Variants in MCF2L observed in about 807,000 individuals in gnomAD.
MCF2L encodes MCF.2 cell line derived transforming sequence like.
A neutral mutation model predicts 153.4 loss-of-function variants in MCF2L; 97 were observed. The observed-to-expected ratio is 0.63, with a 90% confidence interval of 0.54 to 0.75. MCF2L has a LOEUF of 0.75. Ranked by LOEUF, MCF2L falls within the 30% of genes least tolerant of loss-of-function variation. MCF2L has a pLI of 0.00. For missense variants in MCF2L, 1,347 were observed against 1,495.2 expected (o/e 0.90, Z 1.64); for synonymous variants, 659 against 632.2 (o/e 1.04, Z -0.64).
At chr13:113,003,326 G>C (rs988630784) in intron 1 of MCF2L, among the ~76,000 whole-genome samples, 2 of 151,874 alleles carry the variant, frequency 1.3e-5, no homozygotes, top group Non-Finnish European at 2.9e-5. Flanking sequence ...CCTGGGTTAT[G>C]GGGTTGGCTG....
At position 113,096,854 on chromosome 13, in the gene MCF2L, G is replaced by A. The variant is rs774808790; in HGVS notation, c.3373G>A (p.Gly1125Arg). ...GGQAPFSDLQ[G>R] is the part of the protein sequence containing the mutation. The stretch of plus-strand genomic sequence containing the variant: ...CCAGGCCCCCTTCTCCGACCTGCAG[G>A]GGTAGCGCGGCCTCGGCGCCGGAGA... Residue 1125 changes from glycine to arginine, a missense_variant, in exon 30 of 30, where the codon GGG becomes AGG. Gly to Arg is a moderately radical substitution (Grantham distance 125). Around this residue, in one of 3 missense-constraint regions of MCF2L, gnomAD observed 383 missense variants for 335.4 expected, o/e 1.14. Transcript: ENST00000535094. 9 of 1,450,676 alleles carry A rather than the reference G, an allele frequency of 6.2e-6. No homozygotes were observed. The Admixed American group carries it at 1.3e-4, about 21-fold the overall frequency. The allele number at this position is 1,450,676 out of a possible 1,614,324, so 89.9% of individuals were successfully genotyped here. A position where few individuals can be genotyped will look rare whatever the true frequency, so the allele number is the denominator to read the frequency against.
At chr13:112,906,864 G>A (rs1209220706) in intron 2 of MCF2L, among the ~76,000 whole-genome samples, 1 of 152,226 alleles carries the variant, frequency 6.6e-6, no homozygotes, top group African/African-American at 2.4e-5. Context: ...GGTCAGTGGT[G>A]TCTTTAAAGA....
upstream of MCF2L, chr13:112,968,826 G>C (rs2081945820): frequency 7.8e-7 from 1 of 1,274,012 alleles, no homozygotes; most frequent in East Asian, 3.1e-5. Flanking sequence ...ACCCGGAACC[G>C]GGGGGAAGGG....
intron 27 of MCF2L, chr13:113,094,908 C>A: frequency 2.4e-6 from 3 of 1,267,238 alleles, no homozygotes; most frequent in South Asian, 1.2e-5. Flanking sequence ...TAGGATGCAG[C>A]CCCAGCTCCT....
chr13:112,939,937 C>T (rs1395748217), intron 2 of MCF2L, among the ~76,000 whole-genome samples: 1 of 151,698 alleles, frequency 6.6e-6, no homozygotes, highest in African/African-American at 2.4e-5. Context: ...CCACTGCATT[C>T]CAGCCTGGAA....
rs2085452392 is a variant in MCF2L, at chr13:113,028,598, A to G, written c.278+3840A>G. 1.3e-5 allele frequency among the ~76,000 whole-genome samples: 2 copies of G among 152,214 alleles called. No homozygotes were observed. Among genetic ancestry groups the G allele is most frequent in the Non-Finnish European group, 2.9e-5 (2 of 68,030 alleles). On this transcript the variant is annotated intron_variant, in intron 3 of 29. Transcript: ENST00000535094. This position sits in a 1 kb window ranked among gnomAD's most constrained non-coding sequence, Gnocchi z 5.4. The stretch of plus-strand genomic sequence containing the variant: ...CCCCAGGTTGCTCAGAGGCAGCTCC[A>G]TGGATCCCCACTGTTCACCTGTGTA...
At chr13:112,981,649 CG>C (rs1401697289) in intron 1 of MCF2L, among the ~76,000 whole-genome samples, 5 of 152,056 alleles carry the variant, frequency 3.3e-5, no homozygotes, top group African/African-American at 1.2e-4. Context: ...AGCCTGAGAC[CG>C]GATGACCACC....
At position 112,982,095 on chromosome 13, in the gene MCF2L, C is replaced by T. The variant is rs937850584; in HGVS notation, c.79+12637C>T. ...TGTCTGAGGGGTCGGGCAGTGGGGG[C>T]CCCAGCAGAGAGCATGGGGCCGACG... On this transcript the variant is annotated intron_variant, in intron 1 of 29. Transcript: ENST00000535094. Among the ~76,000 whole-genome samples, 5 of 152,098 alleles carry T rather than the reference C, an allele frequency of 3.3e-5. No homozygotes were observed. The East Asian group carries it at 9.7e-4, about 29-fold the overall frequency.
rs904335741 is a variant in MCF2L at position 112,969,326 on chromosome 13, GC to G, written c.-48del. The stretch of plus-strand genomic sequence containing the variant: ...CACTCGCACGGCCCCACCCGCAGGC[GC>G]CCCCCGTGCGGAGGAAGCGGATCTG... On this transcript the variant is annotated 5_prime_UTR_variant, in exon 1 of 30. Coordinates refer to ENST00000535094, the MANE Select transcript of MCF2L (RefSeq NM_001112732.3). The surrounding 1 kb of genome is among the most constrained non-coding windows in gnomAD (Gnocchi z 4.8). The G allele has an allele frequency of 2.0e-4, 316 of 1,544,794 alleles. No homozygotes were observed. The highest frequency in any genetic ancestry group is 2.7e-4 in the Non-Finnish European group (307 of 1,143,366).
chr13:113,043,538 C>G (rs1295883686), intron 3 of MCF2L: 2 of 152,258 alleles, frequency 1.3e-5, no homozygotes, highest in East Asian at 3.8e-4. Context: ...ACGTGTAGCA[C>G]CTGTTACTGG....
intron 2 of MCF2L, among the ~76,000 whole-genome samples, chr13:112,959,285 C>G (rs1207211888): frequency 6.6e-6 from 1 of 152,138 alleles, no homozygotes; most frequent in East Asian, 1.9e-4. Flanking sequence ...TCCACTCTGG[C>G]CCCAGCAGTT....
Position 113,054,870 on chromosome 13 carries a change from C to T in MCF2L, c.370-5723C>T, listed in dbSNP as rs915140628. Reference sequence around the variant, plus strand: ...CCAGACTACAGTGCTGTGGTCATCACACATATCTGTTCCTAAGTTCATCCA... The same window carrying T: ...CCAGACTACAGTGCTGTGGTCATCATACATATCTGTTCCTAAGTTCATCCA... On this transcript the variant is annotated intron_variant, in intron 4 of 29. Coordinates refer to ENST00000535094, the MANE Select transcript of MCF2L (RefSeq NM_001112732.3). This position sits in a 1 kb window ranked among gnomAD's most constrained non-coding sequence, Gnocchi z 5.2. The T allele has an allele frequency of 3.3e-5, 5 of 152,224 alleles. No homozygotes were observed. Among genetic ancestry groups the T allele is most frequent in the African/African-American group, 9.7e-5 (4 of 41,446 alleles). 9.4% of individuals were successfully genotyped at this position (152,224 alleles called of 1,614,324 possible). A position where few individuals can be genotyped will look rare whatever the true frequency, so the allele number is the denominator to read the frequency against.
intron 2 of MCF2L, among the ~76,000 whole-genome samples, chr13:112,955,416 A>G (rs1414634460): frequency 1.3e-5 from 2 of 152,174 alleles, no homozygotes; most frequent in African/African-American, 4.8e-5. Context: ...TTTTGTGTTC[A>G]GGTTCTGATT....
chr13:113,044,964 G>A (rs2086717649), intron 3 of MCF2L: 2 of 1,553,376 alleles, frequency 1.3e-6, no homozygotes, highest in South Asian at 1.2e-5. Flanking sequence ...GGCTCTTACT[G>A]TGGAATAGCA....
At position 113,064,988 on chromosome 13, in the gene MCF2L, C is replaced by G. The variant is rs150925091; in HGVS notation, c.659C>G (p.Ser220Cys). 3.1e-4 allele frequency: 508 copies of G among 1,613,154 alleles called. No individual in the cohort carries two copies. The highest frequency in any genetic ancestry group is 3.9e-4 in the Non-Finnish European group (462 of 1,180,006). ...AAGCAGACGGCTCAGATGCTGCAGT[C>G]CTTCGGGACCGAGCTGGCTGAAACA... ...MVKQTAQMLQSFGTELAETEL... is the reference protein window; with the variant it reads ...MVKQTAQMLQCFGTELAETEL... Residue 220 changes from serine (S) to cysteine (C), a missense_variant, in exon 7 of 30, where the codon TCC (serine) becomes TGC (cysteine). Ser to Cys is a moderately radical substitution (Grantham distance 112). Around this residue, in one of 3 missense-constraint regions of MCF2L, gnomAD observed 820 missense variants for 921.2 expected, o/e 0.89. Coordinates refer to ENST00000535094, the MANE Select transcript of MCF2L (RefSeq NM_001112732.3). The surrounding 1 kb of genome is among the most constrained non-coding windows in gnomAD (Gnocchi z 6.0).
chr13:112,929,879 C>T (rs184514533), intron 2 of MCF2L, among the ~76,000 whole-genome samples: 430 of 152,318 alleles, frequency 2.8e-3, no homozygotes, highest in African/African-American at 9.7e-3. Flanking sequence ...CCTTTCTTTC[C>T]CAGATGACCC....
rs145126289 is a variant in MCF2L at position 113,075,189 on chromosome 13, G to A, written c.1308G>A (p.Thr436=). 4.8e-5 allele frequency: 77 copies of A among 1,589,460 alleles called. No individual in the cohort carries two copies. Among genetic ancestry groups the A allele is most frequent in the Non-Finnish European group, 5.7e-5 (66 of 1,162,940 alleles). The change falls in exon 11 of 30, where the codon ACG becomes ACA. Residue 436 remains threonine (T), a splice_region_variant and synonymous_variant. Transcript: ENST00000535094. ...TGGAGCTGCACCGCCGCCTGGAGAC[G>A]GTAGGCCGAGCCGGACCCCACCCCA... ...KSLELHRRLE[T]SMKWCDEGIY...
In MCF2L at chr13:113,089,638, A is replaced by G. The variant is rs1168999772; in HGVS notation, c.2863A>G (p.Lys955Glu). Residue 955 changes from lysine to glutamate, a missense_variant, in exon 26 of 30, where the codon AAG becomes GAG. By Grantham distance (56) the Lys-to-Glu change is moderately conservative. This residue lies in a region of MCF2L where 383 missense variants were observed against 335.4 expected (regional missense o/e 1.14). Coordinates refer to ENST00000535094, the MANE Select transcript of MCF2L (RefSeq NM_001112732.3). ...CTCAAGAGGAAACTCAAGGAACATCAAGAAGCTGGAAGAAAGGAAAACAGA... is the reference window on the plus strand; with the variant it reads ...CTCAAGAGGAAACTCAAGGAACATCGAGAAGCTGGAAGAAAGGAAAACAGA... ...SPSRGNSRNI[K>E]KLEERKTDPL... The G allele has an allele frequency of 1.2e-6, 2 of 1,613,776 alleles. No individual in the cohort carries two copies. Among genetic ancestry groups the G allele is most frequent in the African/African-American group, 2.7e-5 (2 of 75,040 alleles).
chr13:113,008,474 G>A (rs1303228266), intron 1 of MCF2L, among the ~76,000 whole-genome samples: 1 of 152,144 alleles, frequency 6.6e-6, no homozygotes, highest in African/African-American at 2.4e-5. Flanking sequence ...CGTAACTCAT[G>A]GAATTAAGTC....
Sources: allele counts gnomAD v4.1 joint callset (sites outside exome capture counted in the v4.1 genomes callset), GRCh38; gene constraint gnomAD v4.1.1; regional missense constraint gnomAD v4.1.1; non-coding constraint Gnocchi (gnomAD v3.1); transcripts MANE v1.5; gene names NCBI Gene and HGNC (gene_info 2026-07-23, HGNC 2026-07-21).